Variants in GFI1 observed in about 807,000 individuals in gnomAD.
GFI1 encodes the protein zinc finger protein Gfi-1.
In GFI1, 15 loss-of-function variants were observed where a neutral mutation model predicts 39.2. The ratio of observed to expected loss-of-function variants is 0.38; its 90% CI spans 0.26 to 0.59. The LOEUF (loss-of-function observed/expected upper bound fraction) is 0.59. Among genes scored for constraint, GFI1 ranks in the 20% least tolerant of loss-of-function variants. The pLI is 0.62. For synonymous variants in GFI1, 239 were observed against 254.3 expected (o/e 0.94, Z 0.57); for missense variants, 475 against 574.0 (o/e 0.83, Z 1.76).
At chr1:92,483,948 C>G (rs890897933) in intron 1 of GFI1, 2 of 270,562 alleles carry the variant, frequency 7.4e-6, no homozygotes. Flanking sequence ...GTTACCCCAA[C>G]TCAGCTACTC....
rs1658304791 is a variant in GFI1 at position 92,482,467 on chromosome 1, G to A, written c.298+397C>T. 6.6e-6 allele frequency among the ~76,000 whole-genome samples: 1 copy of A among 152,166 alleles called. No individual in the cohort carries two copies. Among genetic ancestry groups the A allele is most frequent in the African/African-American group, 2.4e-5 (1 of 41,442 alleles). ...AGCGCCTAGCTCCTCTGCCTGGCCC[G>A]TTCTGCCCTGTTCTCTGTTTGAGGT... On this transcript the variant is annotated intron_variant, in intron 3 of 6. Transcript: ENST00000294702. This position sits in a 1 kb window ranked among gnomAD's most constrained non-coding sequence, Gnocchi z 4.4.
At chr1:92,485,599 G>A (rs1410938442) in intron 1 of GFI1, among the ~76,000 whole-genome samples, 1 of 152,168 alleles carries the variant, frequency 6.6e-6, no homozygotes, top group Non-Finnish European at 1.5e-5. Flanking sequence ...CGAGCGCGTG[G>A]GAAGGCAACC....
At position 92,481,612 on chromosome 1, in the gene GFI1, G is replaced by T. The variant is rs1172360976; in HGVS notation, c.299-524C>A. ...AGGAGGGAGAAGGTCCATAAATGCG[G>T]CCCCGAACTACCCGAAAGGCTGCTG... is the stretch of plus-strand genomic sequence containing the variant. On this transcript the variant is annotated intron_variant, in intron 3 of 6. Transcript: ENST00000294702. This position sits in a 1 kb window ranked among gnomAD's most constrained non-coding sequence, Gnocchi z 4.3. Among the ~76,000 whole-genome samples the T allele has an allele frequency of 6.6e-6, 1 of 152,142 alleles. No homozygotes were observed. Among genetic ancestry groups the T allele is most frequent in the African/African-American group, 2.4e-5 (1 of 41,410 alleles).
intron 1 of GFI1, 113 bp from the exon 2 acceptor site, chr1:92,483,699 G>T: frequency 8.2e-6 from 5 of 608,698 alleles, no homozygotes; most frequent in Non-Finnish European, 1.5e-5. Flanking sequence ...GAGGGCCCAC[G>T]GGAGGAGGGG....
At chr1:92,477,529 T>C (rs1422067783) in intron 6 of GFI1, among the ~76,000 whole-genome samples, 1 of 152,248 alleles carries the variant, frequency 6.6e-6, no homozygotes, top group Non-Finnish European at 1.5e-5. Flanking sequence ...CTCATGTAAA[T>C]GTCTTTTGAC....
At chr1:92,483,730 C>A in intron 1 of GFI1, 144 bp from the exon 2 acceptor site, 1 of 539,828 alleles carries the variant, frequency 1.9e-6, no homozygotes, top group Non-Finnish European at 3.4e-6. Flanking sequence ...CTGCGCCGCG[C>A]TTACCAGGTG....
chr1:92,474,504 C>A lies in GFI1; in HGVS notation c.*1525G>T, dbSNP rs199879247. 3.5e-4 allele frequency among the ~76,000 whole-genome samples: 54 copies of A among 152,320 alleles called. No individual in the cohort carries two copies. Among genetic ancestry groups the A allele is most frequent in the African/African-American group, 1.3e-3 (54 of 41,568 alleles). ...TACGTGCCTGTGGAACCATCAGGGGCTCTACAAGGTAGTAGCTTAGTTTTG... is the reference window on the plus strand; with the variant it reads ...TACGTGCCTGTGGAACCATCAGGGGATCTACAAGGTAGTAGCTTAGTTTTG... On this transcript the variant is annotated 3_prime_UTR_variant, in exon 7 of 7. Coordinates refer to ENST00000294702, the MANE Select transcript of GFI1 (RefSeq NM_005263.5).
At chr1:92,478,500 C>CTGATGATGATTTCTGG in intron 6 of GFI1, 88 bp downstream of exon 6, 2 of 1,129,424 alleles carry the variant, frequency 1.8e-6, no homozygotes, top group Non-Finnish European at 1.4e-6. Flanking sequence ...AAGGCCTCAT[C>CTGATGATGATTTCTGG]CACCACTCAC....
At chr1:92,483,781 G>T (rs1488030021) in intron 1 of GFI1, 195 bp from the exon 2 acceptor site, 2 of 453,248 alleles carry the variant, frequency 4.4e-6, no homozygotes, top group Non-Finnish European at 8.2e-6. Context: ...CGTTGCCGCC[G>T]CCGCCACTGA....
At position 92,478,690 on chromosome 1, in the gene GFI1, G is replaced by T; in HGVS notation, c.988C>A (p.His330Asn). 1 of 1,613,676 alleles carries T rather than the reference G, an allele frequency of 6.2e-7. No homozygotes were observed. The highest frequency in any genetic ancestry group is 8.5e-7 in the Non-Finnish European group (1 of 1,179,936). ...SFKRSSTLSTHLLIHSDTRPY... is the reference protein window; with the variant it reads ...SFKRSSTLSTNLLIHSDTRPY... ...CGAGTGTCTGAGTGGATAAGCAGGT[G>T]TGTGGACAGTGTGGATGACCTCTTG... Residue 330 changes from histidine (H) to asparagine (N), a missense_variant, in exon 6 of 7, where the codon CAC becomes AAC. Physicochemically the swap from His to Asn is moderately conservative, Grantham distance 68 (BLOSUM62 1). Coordinates refer to ENST00000294702, the MANE Select transcript of GFI1 (RefSeq NM_005263.5).
At position 92,473,345 on chromosome 1, in the gene GFI1, T is replaced by C. The variant is rs552476825; in HGVS notation, c.*2684A>G. Among the ~76,000 whole-genome samples, 1 of 152,160 alleles carries C rather than the reference T, an allele frequency of 6.6e-6. No individual in the cohort carries two copies. Among genetic ancestry groups the C allele is most frequent in the Admixed American group, 6.6e-5 (1 of 15,242 alleles). On this transcript the variant is annotated 3_prime_UTR_variant, in exon 7 of 7. Transcript: ENST00000294702. ...AGTTCTACTTACCCCTCAGTGCAACTTCTTTACTTTTCAAACCAGGTTGGA... is the reference window on the plus strand; with the variant it reads ...AGTTCTACTTACCCCTCAGTGCAACCTCTTTACTTTTCAAACCAGGTTGGA...
chr1:92,476,420 A>C (rs1157617756), intron 6 of GFI1, among the ~76,000 whole-genome samples: 1 of 152,088 alleles, frequency 6.6e-6, no homozygotes, highest in Non-Finnish European at 1.5e-5. Context: ...TGAAAGGGAG[A>C]CTTTCTGAAG....
chr1:92,474,622 T>C lies in GFI1; in HGVS notation c.*1407A>G, dbSNP rs149926666. Reference sequence around the variant, plus strand: ...AGAAAGTATATGGAAACCCGAGCAATTGGATTTTACTCTTCTGGATATTAG... The same window carrying C: ...AGAAAGTATATGGAAACCCGAGCAACTGGATTTTACTCTTCTGGATATTAG... On this transcript the variant is annotated 3_prime_UTR_variant, in exon 7 of 7. Coordinates refer to ENST00000294702, the MANE Select transcript of GFI1 (RefSeq NM_005263.5). 1 of 152,724 alleles carries C rather than the reference T, an allele frequency of 6.5e-6. No individual in the cohort carries two copies. The highest frequency in any genetic ancestry group is 2.4e-5 in the African/African-American group (1 of 41,556). The allele number at this position is 152,724 out of a possible 1,614,324, so 9.5% of individuals were successfully genotyped here.
rs142757010 is a variant in GFI1, at chr1:92,481,959, A to ACACACACACACAC, written c.299-872_299-871insGTGTGTGTGTGTG. 2.5e-3 allele frequency among the ~76,000 whole-genome samples: 370 copies of ACACACACACACAC among 150,790 alleles called. 5 individuals carry two copies. Among genetic ancestry groups the ACACACACACACAC allele is most frequent in the African/African-American group, 8.8e-3 (359 of 40,954 alleles). On this transcript the variant is annotated intron_variant, in intron 3 of 6. Coordinates refer to ENST00000294702, the MANE Select transcript of GFI1 (RefSeq NM_005263.5). The surrounding 1 kb of genome is among the most constrained non-coding windows in gnomAD (Gnocchi z 4.3). ...AATGTGTGTGTGTGTGTGTGCGCACAACACTCCAGTTCAGGCTGGCCACTT... is the reference window on the plus strand; with the variant it reads ...AATGTGTGTGTGTGTGTGTGCGCACACACACACACACACACACTCCAGTTCAGGCTGGCCACTT...
At position 92,480,906 on chromosome 1, in the gene GFI1, G is replaced by T; in HGVS notation, c.481C>A (p.Pro161Thr). 1 of 1,547,040 alleles carries T rather than the reference G, an allele frequency of 6.5e-7. No individual in the cohort carries two copies. Among genetic ancestry groups the T allele is most frequent in the African/African-American group, 1.4e-5 (1 of 73,046 alleles). The change falls in exon 4 of 7, where the codon CCT becomes ACT. Residue 161 changes from proline to threonine, a missense_variant. Coordinates refer to ENST00000294702, the MANE Select transcript of GFI1 (RefSeq NM_005263.5). The surrounding 1 kb of genome is among the most constrained non-coding windows in gnomAD (Gnocchi z 5.6). ...LGLFCEPAPE[P>T]GHPAALYGPK... The stretch of plus-strand genomic sequence containing the variant: ...CCGTACAGCGCGGCCGGGTGGCCAG[G>T]CTCCGGGGCGGGTTCGCAGAAGAGG...
At chr1:92,476,267 C>A in intron 6 of GFI1, 60 bp from the exon 7 acceptor site, 1 of 1,447,436 alleles carries the variant, frequency 6.9e-7, no homozygotes, top group South Asian at 1.2e-5. Context: ...TAGAGGGGAC[C>A]CACTGTGACC....
intron 2 of GFI1, 77 bp downstream of exon 2, chr1:92,483,296 G>T: frequency 1.2e-6 from 1 of 851,066 alleles, no homozygotes; most frequent in Non-Finnish European, 2.0e-6. Flanking sequence ...GCCCCTCCCA[G>T]CTCCGGACTA....
In GFI1 at chr1:92,480,163, C is replaced by A. The variant is rs984433112; in HGVS notation, c.924+185G>T. Among the ~76,000 whole-genome samples, 1 of 152,076 alleles carries A rather than the reference C, an allele frequency of 6.6e-6. No homozygotes were observed. Among genetic ancestry groups the A allele is most frequent in the Non-Finnish European group, 1.5e-5 (1 of 67,998 alleles). ...ATCCAGGGCTGCCTCAAGGCCTGAG[C>A]CGGCCACAATCCTCCTTTCCCTACA... On this transcript the variant is annotated intron_variant, in intron 5 of 6. Coordinates refer to ENST00000294702, the MANE Select transcript of GFI1 (RefSeq NM_005263.5). This position sits in a 1 kb window ranked among gnomAD's most constrained non-coding sequence, Gnocchi z 5.6.
In GFI1 at chr1:92,480,933, C is replaced by A; in HGVS notation, c.454G>T (p.Gly152Cys). The A allele has an allele frequency of 6.4e-7, 1 of 1,568,238 alleles. No homozygotes were observed. The change falls in exon 4 of 7, where the codon GGC becomes TGC. Residue 152 changes from glycine (G) to cysteine (C), a missense_variant. This residue lies in a region of GFI1 where 275 missense variants were observed against 275.8 expected (regional missense o/e 1.00). Coordinates refer to ENST00000294702, the MANE Select transcript of GFI1 (RefSeq NM_005263.5). The surrounding 1 kb of genome is among the most constrained non-coding windows in gnomAD (Gnocchi z 5.6). ...TCCGGGGCGGGTTCGCAGAAGAGGC[C>A]CAGGCCAGCGCCACGCTCCAGGGCC... ...CGALERGAGL[G>C]LFCEPAPEPG...
Sources: allele counts gnomAD v4.1 joint callset (sites outside exome capture counted in the v4.1 genomes callset), GRCh38; gene constraint gnomAD v4.1.1; regional missense constraint gnomAD v4.1.1; non-coding constraint Gnocchi (gnomAD v3.1); transcripts MANE v1.5; gene names NCBI Gene and HGNC (gene_info 2026-07-23, HGNC 2026-07-21).